The following MRTFB variants were observed in gnomAD, a reference collection of about 807,000 sequenced individuals.
MRTFB encodes myocardin-related transcription factor B.
In MRTFB, 29 loss-of-function variants were observed where a neutral mutation model predicts 104.2. The ratio of observed to expected loss-of-function variants is 0.28; its 90% CI spans 0.21 to 0.38. MRTFB has a LOEUF of 0.38. MRTFB is among the 10% of genes least tolerant of loss of function. The pLI, the probability that MRTFB is intolerant of heterozygous loss-of-function variation, is 1.00. For synonymous variants in MRTFB, 535 were observed against 519.5 expected (o/e 1.03, Z -0.41); for missense variants, 1,270 against 1,341.6 (o/e 0.95, Z 0.83).
intron 9 of MRTFB, among the ~76,000 whole-genome samples, chr16:14,238,239 A>G (rs1389842744): frequency 2.0e-5 from 3 of 152,186 alleles, no homozygotes; most frequent in African/African-American, 4.8e-5. Context: ...CCACAACACA[A>G]TTACTTAGCT....
chr16:14,106,071 G>A (rs2035958841), intron 2 of MRTFB, among the ~76,000 whole-genome samples: 1 of 152,184 alleles, frequency 6.6e-6, no homozygotes, highest in South Asian at 2.1e-4. Context: ...ATGATTTCAA[G>A]AACAGATATT....
intron 3 of MRTFB, among the ~76,000 whole-genome samples, chr16:14,169,355 AT>A (rs1290185369): frequency 6.6e-6 from 1 of 152,270 alleles, no homozygotes; most frequent in Non-Finnish European, 1.5e-5. Context: ...GCCTGTTTGT[AT>A]TCTGAGATTA....
At chr16:14,074,012 C>T (rs1445435697) in intron 1 of MRTFB, among the ~76,000 whole-genome samples, 1 of 152,074 alleles carries the variant, frequency 6.6e-6, no homozygotes, top group African/African-American at 2.4e-5. Context: ...TACAATGTTA[C>T]CTACATTGTA....
intron 9 of MRTFB, among the ~76,000 whole-genome samples, chr16:14,237,729 A>G (rs1010495020): frequency 6.6e-6 from 1 of 152,116 alleles, no homozygotes; most frequent in African/African-American, 2.4e-5. Flanking sequence ...CACCAGCAGG[A>G]AGGAAAACGC....
At chr16:14,229,850 T>C (rs2042178536) in intron 8 of MRTFB, among the ~76,000 whole-genome samples, 1 of 152,184 alleles carries the variant, frequency 6.6e-6, no homozygotes, top group Non-Finnish European at 1.5e-5. Context: ...TCGTGAGACC[T>C]GTAACCTGTA....
At chr16:14,032,929 C>T in the MRTFB span, among the ~76,000 whole-genome samples, 1 of 152,046 alleles carries the variant, frequency 6.6e-6, no homozygotes, top group African/African-American at 2.4e-5. Flanking sequence ...TCAAGCAATC[C>T]TCCCACCTCA....
intron 8 of MRTFB, among the ~76,000 whole-genome samples, chr16:14,227,239 G>A (rs906050984): frequency 3.3e-5 from 5 of 151,630 alleles, no homozygotes; most frequent in African/African-American, 1.2e-4. Flanking sequence ...AGAGATAAGT[G>A]AATTCTCACT....
At chr16:14,098,355 T>C (rs2035510219) in intron 2 of MRTFB, among the ~76,000 whole-genome samples, 1 of 152,244 alleles carries the variant, frequency 6.6e-6, no homozygotes, top group Non-Finnish European at 1.5e-5. Context: ...TATTTTCATG[T>C]ACTTATTTGC....
At chr16:14,000,731 C>A in the MRTFB span, among the ~76,000 whole-genome samples, 1 of 152,170 alleles carries the variant, frequency 6.6e-6, no homozygotes, top group Non-Finnish European at 1.5e-5. Flanking sequence ...CTCCTGACAA[C>A]CACACCTCTC....
chr16:14,089,383 C>T (rs1228647782), intron 2 of MRTFB, among the ~76,000 whole-genome samples: 3 of 152,164 alleles, frequency 2.0e-5, no homozygotes, highest in African/African-American at 7.2e-5. Flanking sequence ...CTGGACATGC[C>T]ATGTAAATGG....
chr16:14,026,397 G>A, the MRTFB span, among the ~76,000 whole-genome samples: 1 of 152,064 alleles, frequency 6.6e-6, no homozygotes, highest in African/African-American at 2.4e-5. Context: ...CACAACTTAT[G>A]CAAAAATTAA....
chr16:14,027,797 GGTGAA>G, the MRTFB span, among the ~76,000 whole-genome samples: 3 of 152,262 alleles, frequency 2.0e-5, no homozygotes, highest in East Asian at 5.8e-4. Flanking sequence ...CATGAGAAGG[GGTGAA>G]GTATCTCTGT....
chr16:14,031,980 A>T, the MRTFB span, among the ~76,000 whole-genome samples: 1 of 152,134 alleles, frequency 6.6e-6, no homozygotes, highest in Non-Finnish European at 1.5e-5. Flanking sequence ...GCTAATTTTT[A>T]TATTTTTAGT....
intron 14 of MRTFB, among the ~76,000 whole-genome samples, 157 bp from the exon 15 acceptor site, chr16:14,252,208 G>T (rs185726524): frequency 2.6e-3 from 402 of 152,262 alleles, no homozygotes; most frequent in Non-Finnish European, 4.9e-3. Context: ...CACATAAGGT[G>T]GCCACCAGTG....
At chr16:14,107,102 G>A (rs1444408288) in intron 2 of MRTFB, among the ~76,000 whole-genome samples, 1 of 152,146 alleles carries the variant, frequency 6.6e-6, no homozygotes, top group East Asian at 1.9e-4. Context: ...TGGGTATGGT[G>A]GCACATGCCA....
chr16:14,168,349 A>G (rs1427667933), intron 3 of MRTFB, among the ~76,000 whole-genome samples: 1 of 152,162 alleles, frequency 6.6e-6, no homozygotes, highest in Non-Finnish European at 1.5e-5. Context: ...CAAGATACAG[A>G]GCATTGCTAT....
chr16:14,200,424 C>T, intron 3 of MRTFB: 2 of 1,608,810 alleles, frequency 1.2e-6, no homozygotes, highest in Non-Finnish European at 1.7e-6. Flanking sequence ...GAGGAGACGA[C>T]TAATAGACCA....
the MRTFB span, among the ~76,000 whole-genome samples, chr16:14,040,192 C>T: frequency 2.6e-5 from 4 of 152,212 alleles, no homozygotes; most frequent in East Asian, 1.9e-4. Context: ...GCCACTATTA[C>T]GTTTGCACCA....
At chr16:14,249,140 C>G in intron 13 of MRTFB, 59 bp downstream of exon 13, 1 of 1,569,808 alleles carries the variant, frequency 6.4e-7, no homozygotes. Context: ...TCCGATCATC[C>G]ATTCAACAAG....
Sources: allele counts gnomAD v4.1 joint callset (sites outside exome capture counted in the v4.1 genomes callset), GRCh38; gene constraint gnomAD v4.1.1; transcripts MANE v1.5; gene names NCBI Gene and HGNC (gene_info 2026-07-23, HGNC 2026-07-21).